Variants in CACNA2D3 observed in about 807,000 individuals in gnomAD.
CACNA2D3 encodes the protein calcium voltage-gated channel auxiliary subunit alpha2delta 3.
CACNA2D3 carries 60 observed loss-of-function variants against 160.6 expected under a neutral mutation model. The ratio of observed to expected loss-of-function variants is 0.37; its 90% CI spans 0.30 to 0.46. The LOEUF (loss-of-function observed/expected upper bound fraction) is 0.46. Ranked by LOEUF, CACNA2D3 falls within the 20% of genes least tolerant of loss-of-function variation. The pLI is 1.00. For missense variants in CACNA2D3, 1,205 were observed against 1,365.0 expected, an observed-to-expected ratio of 0.88 and a Z score of 1.85; for synonymous variants, 558 against 492.9, an observed-to-expected ratio of 1.13 and a Z score of -1.75.
intron 16 of CACNA2D3, among the ~76,000 whole-genome samples, chr3:54,840,807 C>T (rs1484775620): frequency 4.7e-5 from 7 of 149,540 alleles, no homozygotes; most frequent in African/African-American, 1.7e-4. Context: ...ACCGCAAGCT[C>T]CACCTCCTGG....
At chr3:54,693,507 G>A (rs936346617) in intron 11 of CACNA2D3, among the ~76,000 whole-genome samples, 2 of 152,178 alleles carry the variant, frequency 1.3e-5, no homozygotes, top group African/African-American at 4.8e-5. Flanking sequence ...ACTGGTTTAT[G>A]TACTGTACTA....
At chr3:54,809,412 G>A (rs1210281667) in intron 13 of CACNA2D3, among the ~76,000 whole-genome samples, 38 of 133,052 alleles carry the variant, frequency 2.9e-4, no homozygotes, top group African/African-American at 1.1e-3. Context: ...TCCGCTTCCC[G>A]GGTTCACGCC....
chr3:54,401,568 G>T lies in CACNA2D3; in HGVS notation c.381+14794G>T, dbSNP rs145755249. Among the ~76,000 whole-genome samples, 449 of 152,250 alleles carry T rather than the reference G, an allele frequency of 2.9e-3. 4 individuals carry two copies. Among genetic ancestry groups the T allele is most frequent in the African/African-American group, 9.9e-3 (412 of 41,550 alleles). On this transcript the variant is annotated intron_variant, in intron 4 of 37. Coordinates refer to ENST00000474759, the MANE Select transcript of CACNA2D3 (RefSeq NM_018398.3). ...TGTCAGTGAATTTCTTAAGAGAAAC[G>T]TTGCAAGCCAGGAGAGAAAGGGATG... is the stretch of plus-strand genomic sequence containing the variant.
At chr3:54,639,050 C>A (rs937392172) in intron 10 of CACNA2D3, 2 of 151,334 alleles carry the variant, frequency 1.3e-5, no homozygotes, top group Non-Finnish European at 2.9e-5. Flanking sequence ...AGGGTTGGGG[C>A]GCGGAAATAA....
At chr3:54,853,569 A>G (rs774815333) in intron 17 of CACNA2D3, among the ~76,000 whole-genome samples, 15 of 152,146 alleles carry the variant, frequency 9.9e-5, no homozygotes, top group Non-Finnish European at 1.5e-4. Context: ...GTCCAGCACT[A>G]TGCTATTTAA....
At chr3:54,986,470 C>T (rs193027725) in intron 30 of CACNA2D3, among the ~76,000 whole-genome samples, 24 of 152,278 alleles carry the variant, frequency 1.6e-4, no homozygotes, top group Non-Finnish European at 5.9e-5. Flanking sequence ...GTAGTACACG[C>T]CCACAGAGTT....
chr3:54,458,450 G>A (rs895084575), intron 4 of CACNA2D3, among the ~76,000 whole-genome samples: 6 of 149,364 alleles, frequency 4.0e-5, no homozygotes, highest in Non-Finnish European at 5.9e-5. Flanking sequence ...TTCTTTGCTG[G>A]CAGTTTTTTT....
intron 11 of CACNA2D3, among the ~76,000 whole-genome samples, chr3:54,652,643 G>T (rs1264102680): frequency 6.6e-6 from 1 of 152,054 alleles, no homozygotes; most frequent in Non-Finnish European, 1.5e-5. Flanking sequence ...AGGAAGTGCA[G>T]GTGGCTGGAG....
At chr3:54,265,065 A>G (rs578177338) in intron 2 of CACNA2D3, among the ~76,000 whole-genome samples, 7 of 152,294 alleles carry the variant, frequency 4.6e-5, no homozygotes, top group Non-Finnish European at 7.3e-5. Context: ...GTGTCTTTAT[A>G]GTAGAATGAT....
chr3:54,707,730 A>G (rs1700883898), intron 11 of CACNA2D3, among the ~76,000 whole-genome samples: 1 of 152,136 alleles, frequency 6.6e-6, no homozygotes, highest in Non-Finnish European at 1.5e-5. Flanking sequence ...TGGTCTGCTC[A>G]TCCAAGAATT....
intron 9 of CACNA2D3, among the ~76,000 whole-genome samples, chr3:54,608,495 C>A (rs892820775): frequency 6.6e-6 from 1 of 152,186 alleles, no homozygotes; most frequent in African/African-American, 2.4e-5. Context: ...GAAAATCACA[C>A]ACACAATAAA....
intron 3 of CACNA2D3, among the ~76,000 whole-genome samples, chr3:54,355,880 G>T (rs1042646296): frequency 3.3e-5 from 5 of 152,174 alleles, no homozygotes; most frequent in Non-Finnish European, 5.9e-5. Context: ...AGACTTCATA[G>T]TGCAAAGTGC....
chr3:54,925,529 G>C lies in CACNA2D3; in HGVS notation c.2449+25661G>C, dbSNP rs147914634. Among the ~76,000 whole-genome samples, 425 of 152,250 alleles carry C rather than the reference G, an allele frequency of 2.8e-3. 2 individuals are homozygous for C. Among genetic ancestry groups the C allele is most frequent in the African/African-American group, 9.8e-3 (409 of 41,534 alleles). Reference sequence around the variant, plus strand: ...TAGAAGGGTGAAAAAAAATATTTGGGGTGTATATGCCGTTTGTAGGCCACA... The same window carrying C: ...TAGAAGGGTGAAAAAAAATATTTGGCGTGTATATGCCGTTTGTAGGCCACA... On this transcript the variant is annotated intron_variant, in intron 27 of 37. Coordinates refer to ENST00000474759, the MANE Select transcript of CACNA2D3 (RefSeq NM_018398.3).
intron 23 of CACNA2D3, 125 bp from the exon 24 acceptor site, chr3:54,887,834 A>T: frequency 1.4e-6 from 1 of 713,560 alleles, no homozygotes; most frequent in Non-Finnish European, 2.5e-6. Context: ...GTGGGAACTT[A>T]ACTCATAAAG....
intron 5 of CACNA2D3, among the ~76,000 whole-genome samples, chr3:54,557,771 A>G (rs1702262946): frequency 6.6e-6 from 1 of 152,194 alleles, no homozygotes. Context: ...ATTTTCCAGG[A>G]TCGTGAGGAT....
intron 8 of CACNA2D3, among the ~76,000 whole-genome samples, chr3:54,578,231 G>T (rs912475935): frequency 6.6e-6 from 1 of 152,206 alleles, no homozygotes; most frequent in Admixed American, 6.5e-5. Flanking sequence ...GATGTACATT[G>T]TATCCTTTTC....
chr3:54,981,105 T>C (rs564102986), intron 29 of CACNA2D3, among the ~76,000 whole-genome samples: 61 of 152,200 alleles, frequency 4.0e-4, no homozygotes, highest in Non-Finnish European at 6.0e-4. Flanking sequence ...GCTGCCATGG[T>C]GAAAAGAGAA....
intron 2 of CACNA2D3, among the ~76,000 whole-genome samples, chr3:54,254,689 G>T (rs193054659): frequency 7.0e-6 from 1 of 142,562 alleles, no homozygotes; most frequent in Admixed American, 6.9e-5. Context: ...AGAGTTAGTT[G>T]TTATGAGTAT....
chr3:54,519,108 A>C (rs1235743786), intron 5 of CACNA2D3, among the ~76,000 whole-genome samples: 1 of 13,926 alleles, frequency 7.2e-5, no homozygotes, highest in East Asian at 3.1e-3. Context: ...AACTGTCCTC[A>C]GTTGACAGAT....
Sources: gnomAD v4.1 joint callset for allele counts (sites outside exome capture counted in the v4.1 genomes callset) on GRCh38, gnomAD v4.1.1 for gene constraint, MANE v1.5 for transcripts, NCBI Gene and HGNC (gene_info 2026-07-23, HGNC 2026-07-21) for gene names.